The following EML6 variants were observed in gnomAD, a reference collection of about 807,000 sequenced individuals.
EML6 encodes EMAP like 6, also known as echinoderm microtubule-associated protein-like 6.
In EML6, 154 loss-of-function variants were observed where a neutral mutation model predicts 240.1. The ratio of observed to expected loss-of-function variants is 0.64; its 90% CI spans 0.56 to 0.73. EML6 has a LOEUF of 0.73. Ranked by LOEUF, EML6 falls within the 30% of genes least tolerant of loss-of-function variation. The pLI is 0.00. For missense variants in EML6, 2,964 were observed against 2,474.6 expected, an observed-to-expected ratio of 1.20 and a Z score of -4.20; for synonymous variants, 1,148 against 899.0, an observed-to-expected ratio of 1.28 and a Z score of -4.95.
intron 17 of EML6, among the ~76,000 whole-genome samples, chr2:54,885,525 A>G (rs1022648898): frequency 2.0e-5 from 3 of 152,128 alleles, no homozygotes; most frequent in Admixed American, 6.5e-5. Flanking sequence ...TGTTAAACAC[A>G]TTTCGTCTTT....
chr2:54,906,138 C>T (rs370870026), intron 24 of EML6, among the ~76,000 whole-genome samples: 8 of 152,132 alleles, frequency 5.3e-5, no homozygotes, highest in Non-Finnish European at 1.2e-4. Context: ...TTTTATATTC[C>T]CACCAGTTGT....
rs1310318842 is a variant in EML6, at chr2:54,767,618, GTGTGTGTGTGTGTA to G, written c.197+42378_197+42391del. Among the ~76,000 whole-genome samples the G allele has an allele frequency of 1.7e-4, 25 of 144,998 alleles. No individual in the cohort carries two copies. In the East Asian group the frequency reaches 3.1e-3, roughly 18 times the overall value. ...GAAGAGTGTGTGTGTGTGTGTGTGTGTGTGTGTGTGTGTATGTGTGTGTGTGTATGTTGCAAAAA... is the reference window on the plus strand; with the variant it reads ...GAAGAGTGTGTGTGTGTGTGTGTGTGTGTGTGTGTGTGTATGTTGCAAAAA... On this transcript the variant is annotated intron_variant, in intron 2 of 41. Transcript: ENST00000356458.
chr2:54,967,756 T>C (rs189352907), intron 39 of EML6, among the ~76,000 whole-genome samples: 9 of 152,268 alleles, frequency 5.9e-5, no homozygotes, highest in Non-Finnish European at 1.3e-4. Context: ...TTTCATGGAA[T>C]ACAATTTTTC....
At chr2:54,907,460 T>C (rs1673385627) in intron 24 of EML6, among the ~76,000 whole-genome samples, 1 of 152,190 alleles carries the variant, frequency 6.6e-6, no homozygotes, top group African/African-American at 2.4e-5. Flanking sequence ...GGAGCTGAGA[T>C]GGCACCACTG....
chr2:54,895,071 A>T, intron 20 of EML6, 45 bp downstream of exon 20: 1 of 1,439,986 alleles, frequency 6.9e-7, no homozygotes, highest in South Asian at 1.2e-5. Flanking sequence ...ATTCATAGGG[A>T]TGGAGAAGAT....
At position 54,910,907 on chromosome 2, in the gene EML6, AT is replaced by A; in HGVS notation, c.3410-46del. On this transcript the variant is annotated intron_variant, in intron 24 of 41. Transcript: ENST00000356458. ...ATGCTTCTCATTTTATAATAAAGAG[AT>A]AAAGTCAGATTTTAATTATCTCTCT... 5 of 957,242 alleles carry A rather than the reference AT, an allele frequency of 5.2e-6. No individual in the cohort carries two copies. In the East Asian group the frequency reaches 1.3e-4, roughly 25 times the overall value. 59.3% of individuals were successfully genotyped at this position (957,242 alleles called of 1,614,324 possible).
At chr2:54,928,291 T>A (rs1414911357) in intron 26 of EML6, 22 bp from the exon 27 acceptor site, 20 of 1,541,976 alleles carry the variant, frequency 1.3e-5, no homozygotes, top group Non-Finnish European at 1.7e-5. Flanking sequence ...GCTGGGGTAA[T>A]AACCAATTTC....
chr2:54,766,053 A>G (rs927249245), intron 2 of EML6, among the ~76,000 whole-genome samples: 3 of 151,528 alleles, frequency 2.0e-5, no homozygotes, highest in Admixed American at 6.6e-5. Flanking sequence ...TCCTCTCTCT[A>G]TTCTTTTCCT....
At chr2:54,806,986 G>A (rs915075056) in intron 2 of EML6, among the ~76,000 whole-genome samples, 2 of 152,084 alleles carry the variant, frequency 1.3e-5, no homozygotes, top group African/African-American at 4.8e-5. Context: ...CTATGCATAC[G>A]CATTAATAAA....
intron 2 of EML6, among the ~76,000 whole-genome samples, chr2:54,750,896 C>T (rs545888397): frequency 1.3e-5 from 2 of 152,216 alleles, no homozygotes; most frequent in East Asian, 3.9e-4. Context: ...GGCAGTCCTC[C>T]CCGAGCCACA....
At chr2:54,791,410 A>G (rs1395837710) in intron 2 of EML6, among the ~76,000 whole-genome samples, 5 of 152,220 alleles carry the variant, frequency 3.3e-5, no homozygotes, top group Non-Finnish European at 7.3e-5. Context: ...ACTGAAATCT[A>G]TGTATCTTCA....
Position 54,971,832 on chromosome 2 carries a change from A to G in EML6, c.*1737A>G, listed in dbSNP as rs770702754. The G allele has an allele frequency of 2.0e-5, 3 of 152,220 alleles. No homozygotes were observed. The highest frequency in any genetic ancestry group is 2.1e-4 in the South Asian group (1 of 4,836). 9.4% of individuals were successfully genotyped at this position (152,220 alleles called of 1,614,324 possible). ...CATGTACAACCATATTTAAAGAGCA[A>G]TAGTGTCCGTGTGTCATGAAAAACT... On this transcript the variant is annotated 3_prime_UTR_variant, in exon 42 of 42. Coordinates refer to ENST00000356458, the MANE Select transcript of EML6 (RefSeq NM_001039753.4).
intron 26 of EML6, among the ~76,000 whole-genome samples, chr2:54,921,374 GCGAAAGAA>G (rs1224674647): frequency 6.6e-6 from 1 of 152,066 alleles, no homozygotes; most frequent in African/African-American, 2.4e-5. Flanking sequence ...AGCCAAGGAG[GCGAAAGAA>G]CTGTATACTG....
chr2:54,751,698 A>G (rs957800969), intron 2 of EML6, among the ~76,000 whole-genome samples: 2 of 152,186 alleles, frequency 1.3e-5, no homozygotes, highest in Non-Finnish European at 2.9e-5. Context: ...TAGACAGAAC[A>G]TGTTATTCCA....
chr2:54,823,825 G>A (rs1668441142), intron 5 of EML6, among the ~76,000 whole-genome samples: 1 of 126,846 alleles, frequency 7.9e-6, no homozygotes, highest in African/African-American at 3.0e-5. Flanking sequence ...ATCTCCCTGA[G>A]GCTGAATTAA....
intron 16 of EML6, among the ~76,000 whole-genome samples, chr2:54,875,673 A>C (rs2103950329): frequency 6.6e-6 from 1 of 152,354 alleles, no homozygotes; most frequent in East Asian, 1.9e-4. Context: ...AAAATCTGTA[A>C]CTGGGCTACA....
intron 7 of EML6, among the ~76,000 whole-genome samples, chr2:54,832,124 G>A (rs947551022): frequency 6.6e-6 from 1 of 152,092 alleles, no homozygotes; most frequent in Non-Finnish European, 1.5e-5. Flanking sequence ...CTTCATTCCA[G>A]TCCTCAGTGA....
rs576540452 is a variant in EML6 at position 54,801,970 on chromosome 2, T to C, written c.198-11262T>C. The stretch of plus-strand genomic sequence containing the variant: ...GAGTTCGTGACAGGAATTTTGTGCA[T>C]GAAGGATGCCTGTGTTGTTGAATGT... On this transcript the variant is annotated intron_variant, in intron 2 of 41. Transcript: ENST00000356458. Among the ~76,000 whole-genome samples the C allele has an allele frequency of 2.6e-5, 4 of 152,362 alleles. No individual in the cohort carries two copies. In the South Asian group the frequency reaches 8.3e-4, roughly 32 times the overall value.
At chr2:54,855,306 G>C (rs1021759787) in intron 11 of EML6, among the ~76,000 whole-genome samples, 1 of 152,138 alleles carries the variant, frequency 6.6e-6, no homozygotes, top group Non-Finnish European at 1.5e-5. Context: ...CACAAAGCCA[G>C]AGCAGGAGCA....
Sources: gnomAD v4.1 joint callset for allele counts (sites outside exome capture counted in the v4.1 genomes callset) on GRCh38, gnomAD v4.1.1 for gene constraint, MANE v1.5 for transcripts, NCBI Gene and HGNC (gene_info 2026-07-23, HGNC 2026-07-21) for gene names.